The following NAV3 variants were observed in gnomAD, a reference collection of about 807,000 sequenced individuals.
The protein encoded by NAV3 is neuron navigator 3.
Under a neutral mutation model 244.7 loss-of-function variants are expected in NAV3, and 87 were observed. The ratio of observed to expected loss-of-function variants is 0.36; its 90% CI spans 0.30 to 0.42. The LOEUF is 0.42. Ranked by LOEUF, NAV3 falls within the 20% of genes least tolerant of loss-of-function variation. The pLI, the probability that NAV3 is intolerant of heterozygous loss-of-function variation, is 1.00. For missense variants in NAV3, 2,663 were observed against 2,893.3 expected (o/e 0.92, Z 1.83); for synonymous variants, 1,126 against 1,042.2 (o/e 1.08, Z -1.55).
At chr12:78,082,747 A>G (rs117937827) in intron 12 of NAV3, among the ~76,000 whole-genome samples, 2,827 of 152,278 alleles carry the variant, frequency 0.019, 43 homozygotes, top group Non-Finnish European at 0.028. Flanking sequence ...TTTCTTCCCA[A>G]TAGCTGAAAC....
At chr12:78,045,186 T>A (rs1049550730) in intron 9 of NAV3, among the ~76,000 whole-genome samples, 6 of 152,206 alleles carry the variant, frequency 3.9e-5, no homozygotes, top group Non-Finnish European at 8.8e-5. Flanking sequence ...ATTGAGATAA[T>A]CATGTGGTTT....
At chr12:77,873,744 GTA>G (rs556787799) in intron 1 of NAV3, among the ~76,000 whole-genome samples, 3,600 of 73,122 alleles carry the variant, frequency 0.049, 164 homozygotes, top group South Asian at 0.12. Context: ...ATGTGTGTGT[GTA>G]TATATATATA....
At chr12:78,005,731 T>G (rs981735418) in intron 7 of NAV3, among the ~76,000 whole-genome samples, 4 of 152,218 alleles carry the variant, frequency 2.6e-5, no homozygotes, top group African/African-American at 7.2e-5. Flanking sequence ...AATCATTGAA[T>G]GAAGCTTACT....
At chr12:77,846,370 A>T (rs1436455919) in intron 1 of NAV3, among the ~76,000 whole-genome samples, 1 of 152,242 alleles carries the variant, frequency 6.6e-6, no homozygotes, top group Non-Finnish European at 1.5e-5. Flanking sequence ...ATGCAGGAAG[A>T]TAATTCTAAT....
intron 12 of NAV3, among the ~76,000 whole-genome samples, chr12:78,060,997 C>T (rs1006619293): frequency 1.1e-4 from 17 of 152,080 alleles, no homozygotes; most frequent in African/African-American, 3.4e-4. Flanking sequence ...CTCAGAACAA[C>T]GTAAAGACCT....
intron 1 of NAV3, among the ~76,000 whole-genome samples, chr12:77,853,675 C>G (rs1487896587): frequency 6.6e-6 from 1 of 151,942 alleles, no homozygotes; most frequent in East Asian, 1.9e-4. Flanking sequence ...AATCTTATCT[C>G]TATTTAAAAA....
intron 2 of NAV3, among the ~76,000 whole-genome samples, chr12:77,694,806 C>T (rs1271095940): frequency 6.6e-6 from 1 of 152,132 alleles, no homozygotes; most frequent in Non-Finnish European, 1.5e-5. Flanking sequence ...GGCAAATCTA[C>T]CTTTCTAGGC....
At chr12:77,914,657 T>C (rs1273509220) in intron 1 of NAV3, among the ~76,000 whole-genome samples, 1 of 152,020 alleles carries the variant, frequency 6.6e-6, no homozygotes, top group East Asian at 1.9e-4. Context: ...GGAGTGACAA[T>C]ACATGTAGTT....
intron 2 of NAV3, among the ~76,000 whole-genome samples, chr12:77,613,839 C>T (rs2136832343): frequency 6.6e-6 from 1 of 152,176 alleles, no homozygotes; most frequent in African/African-American, 2.4e-5. Flanking sequence ...TCTGAAACAC[C>T]ATTTATTTAA....
At chr12:78,069,085 G>A (rs949602133) in intron 12 of NAV3, among the ~76,000 whole-genome samples, 5 of 151,600 alleles carry the variant, frequency 3.3e-5, no homozygotes, top group African/African-American at 1.2e-4. Flanking sequence ...TCCTCACTCC[G>A]GCTGCATAGA....
At chr12:78,180,032 A>C (rs1270614001) in intron 29 of NAV3, among the ~76,000 whole-genome samples, 1 of 152,138 alleles carries the variant, frequency 6.6e-6, no homozygotes, top group Non-Finnish European at 1.5e-5. Flanking sequence ...TGTTCTTTTG[A>C]AATCTGATTT....
intron 11 of NAV3, 23 bp from the exon 12 acceptor site, chr12:78,058,973 A>G: frequency 6.4e-7 from 1 of 1,570,416 alleles, no homozygotes; most frequent in Non-Finnish European, 8.6e-7. Context: ...TTTTCTGTGA[A>G]TTAATTAGAC....
At chr12:78,160,409 G>GCA (rs1261373830) in intron 23 of NAV3, among the ~76,000 whole-genome samples, 1 of 149,600 alleles carries the variant, frequency 6.7e-6, no homozygotes, top group African/African-American at 2.5e-5. Context: ...GCGTGCGTGT[G>GCA]TGTGTGTGTG....
At chr12:77,805,001 A>AT (rs1175275646) in intron 2 of NAV3, among the ~76,000 whole-genome samples, 1 of 152,008 alleles carries the variant, frequency 6.6e-6, no homozygotes, top group Non-Finnish European at 1.5e-5. Flanking sequence ...AACGCTTCTG[A>AT]TTTTTGTACA....
chr12:77,742,323 T>C (rs1355520574), intron 2 of NAV3, among the ~76,000 whole-genome samples: 1 of 152,130 alleles, frequency 6.6e-6, no homozygotes, highest in Non-Finnish European at 1.5e-5. Flanking sequence ...CATCCCAGCA[T>C]ATTGTCTTTG....
At chr12:77,633,447 T>A (rs1398687328) in intron 2 of NAV3, among the ~76,000 whole-genome samples, 3 of 152,094 alleles carry the variant, frequency 2.0e-5, no homozygotes, top group Non-Finnish European at 4.4e-5. Context: ...AATGAATAGC[T>A]AAAACGGGCA....
intron 1 of NAV3, among the ~76,000 whole-genome samples, chr12:77,874,671 A>C (rs1881584589): frequency 6.6e-6 from 1 of 152,112 alleles, no homozygotes; most frequent in African/African-American, 2.4e-5. Context: ...GTAAAGTGTA[A>C]GAACAGCTCA....
chr12:78,003,127 A>G (rs946140733), intron 7 of NAV3, among the ~76,000 whole-genome samples: 5 of 87,796 alleles, frequency 5.7e-5, no homozygotes, highest in African/African-American at 1.6e-4. Flanking sequence ...CTTTTGAGTC[A>G]CTATAAAATT....
At chr12:78,087,231 A>G (rs568049056) in intron 12 of NAV3, among the ~76,000 whole-genome samples, 215 of 152,164 alleles carry the variant, frequency 1.4e-3, no homozygotes, top group African/African-American at 5.1e-3. Context: ...TTCTTTGCTG[A>G]GCTGCCAAGA....
Sources: allele counts gnomAD v4.1 joint callset (sites outside exome capture counted in the v4.1 genomes callset), GRCh38; gene constraint gnomAD v4.1.1; transcripts MANE v1.5; gene names NCBI Gene and HGNC (gene_info 2026-07-23, HGNC 2026-07-21).